Variants in SLC16A2 observed in about 807,000 individuals in gnomAD.
SLC16A2 encodes the protein monocarboxylate transporter 8.
In SLC16A2, 3 loss-of-function variants were observed where a neutral mutation model predicts 27.2. That is an observed-to-expected ratio of 0.11 (90% CI 0.05 to 0.28). The LOEUF is 0.28. SLC16A2 is among the 10% of genes least tolerant of loss of function. The pLI is 1.00. For missense variants in SLC16A2, 295 were observed against 458.5 expected (o/e 0.64, Z 3.26); for synonymous variants, 202 against 187.8 (o/e 1.08, Z -0.62).
chrX:74,466,372 G>T (rs144259715), intron 1 of SLC16A2, among the ~76,000 whole-genome samples: 1,144 of 110,914 alleles, frequency 0.01, 8 homozygotes, highest in Non-Finnish European at 0.016. Context: ...AGTATATGTG[G>T]GAGATTAGTT....
intron 1 of SLC16A2, among the ~76,000 whole-genome samples, chrX:74,476,010 C>T (rs746370459): frequency 1.8e-5 from 2 of 111,286 alleles, no homozygotes; most frequent in Admixed American, 9.6e-5. Flanking sequence ...TTTTCCAATT[C>T]TGTGAAGAAA....
rs1569294838 is a variant in SLC16A2, at chrX:74,494,306, T to TGGAAGGGC, written c.431-26682_431-26675dup. Among the ~76,000 whole-genome samples the TGGAAGGGC allele has an allele frequency of 2.7e-5, 3 of 111,871 alleles. No individual in the cohort carries two copies. In the South Asian group the frequency reaches 1.1e-3, roughly 42 times the overall value. On this transcript the variant is annotated intron_variant, in intron 1 of 5. Coordinates refer to ENST00000587091, the MANE Select transcript of SLC16A2 (RefSeq NM_006517.5). ...GGAAAATTTCAAGCCTATACACAAGTGGAAGGGCGTAGTGACCCCTCCTGT... is the reference window on the plus strand; with the variant it reads ...GGAAAATTTCAAGCCTATACACAAGTGGAAGGGCGGAAGGGCGTAGTGACCCCTCCTGT...
chrX:74,463,079 T>C (rs1239414175), intron 1 of SLC16A2, among the ~76,000 whole-genome samples: 1 of 111,069 alleles, frequency 9.0e-6, no homozygotes, highest in African/African-American at 3.3e-5. Context: ...TATACACAAC[T>C]CTAGAGATTC....
At chrX:74,430,503 A>G (rs746147774) in intron 1 of SLC16A2, among the ~76,000 whole-genome samples, 11 of 111,921 alleles carry the variant, frequency 9.8e-5, no homozygotes, top group Non-Finnish European at 1.9e-4. Context: ...CTAACTACCC[A>G]TTTTACTCTA....
At chrX:74,466,428 A>G (rs984126210) in intron 1 of SLC16A2, among the ~76,000 whole-genome samples, 1 of 111,563 alleles carries the variant, frequency 9.0e-6, no homozygotes, top group African/African-American at 3.3e-5. Flanking sequence ...CTCATGTCTC[A>G]TGTCCTTTAC....
intron 1 of SLC16A2, among the ~76,000 whole-genome samples, chrX:74,463,220 A>C (rs1929187177): frequency 9.0e-6 from 1 of 111,696 alleles, no homozygotes; most frequent in Admixed American, 9.5e-5. Flanking sequence ...TCCTGCTTTT[A>C]TATTATTTAT....
intron 1 of SLC16A2, among the ~76,000 whole-genome samples, chrX:74,449,062 AG>A (rs1928890591): frequency 9.0e-6 from 1 of 111,588 alleles, no homozygotes; most frequent in South Asian, 3.8e-4. Context: ...TAGAATAAAA[AG>A]ATGGCTGTGG....
At chrX:74,428,676 A>T (rs1386439831) in intron 1 of SLC16A2, among the ~76,000 whole-genome samples, 1 of 110,095 alleles carries the variant, frequency 9.1e-6, no homozygotes, top group African/African-American at 3.3e-5. Context: ...GTGAAGGGTG[A>T]CTTTCGATGG....
At chrX:74,498,702 A>G (rs758584961) in intron 1 of SLC16A2, among the ~76,000 whole-genome samples, 1 of 112,087 alleles carries the variant, frequency 8.9e-6, no homozygotes, top group South Asian at 3.8e-4. Flanking sequence ...TTTCAAGGAA[A>G]TACTAAGGAA....
At chrX:74,466,238 A>G (rs942338574) in intron 1 of SLC16A2, among the ~76,000 whole-genome samples, 11 of 111,297 alleles carry the variant, frequency 9.9e-5, no homozygotes, top group African/African-American at 3.6e-4. Context: ...GCTTCTAAAA[A>G]GCTATGAAAG....
chrX:74,477,460 GT>G (rs1929506986), intron 1 of SLC16A2, among the ~76,000 whole-genome samples: 1 of 110,758 alleles, frequency 9.0e-6, no homozygotes. Flanking sequence ...TTTTTAAGGG[GT>G]TTTTGTGTCT....
At position 74,421,630 on chromosome X, in the gene SLC16A2, C is replaced by G. The variant is rs778605636; in HGVS notation, c.-8C>G. On this transcript the variant is annotated 5_prime_UTR_variant, in exon 1 of 6. Coordinates refer to ENST00000587091, the MANE Select transcript of SLC16A2 (RefSeq NM_006517.5). The stretch of plus-strand genomic sequence containing the variant: ...TCTGGCCCAAGCAGCCACAGTCCCC[C>G]CGCCGCGATGGCGCTGCAAAGCCAG... The G allele has an allele frequency of 8.3e-7, 1 of 1,204,469 alleles. No homozygotes were observed. Among genetic ancestry groups the G allele is most frequent in the South Asian group, 1.8e-5 (1 of 56,236 alleles).
intron 1 of SLC16A2, among the ~76,000 whole-genome samples, chrX:74,489,012 AT>A (rs1482824822): frequency 8.9e-6 from 1 of 112,068 alleles, no homozygotes; most frequent in Non-Finnish European, 1.9e-5. Flanking sequence ...ATCCTAAATT[AT>A]ATGACAAGTT....
At position 74,505,226 on chromosome X, in the gene SLC16A2, G is replaced by A. The variant is rs774856880; in HGVS notation, c.431-15764G>A. On this transcript the variant is annotated intron_variant, in intron 1 of 5. Coordinates refer to ENST00000587091, the MANE Select transcript of SLC16A2 (RefSeq NM_006517.5). ...AGAGGTCCCAGCCTTATTTCAGAGA[G>A]GCTAAGGTGAGGCTTAAGGAAATTT... Among the ~76,000 whole-genome samples the A allele has an allele frequency of 6.3e-5, 7 of 111,717 alleles. No homozygotes were observed. The South Asian group carries it at 2.6e-3, about 42-fold the overall frequency.
chrX:74,511,164 G>A (rs972948200), intron 1 of SLC16A2, among the ~76,000 whole-genome samples: 1 of 111,228 alleles, frequency 9.0e-6, no homozygotes, highest in Non-Finnish European at 1.9e-5. Flanking sequence ...AATGAGATTC[G>A]TGGTTTTTTT....
At chrX:74,487,083 CTTTA>C (rs201037068) in intron 1 of SLC16A2, among the ~76,000 whole-genome samples, 4,792 of 110,843 alleles carry the variant, frequency 0.043, 101 homozygotes, top group African/African-American at 0.079. Flanking sequence ...GTCGCAGGAA[CTTTA>C]TTTATTTATT....
intron 1 of SLC16A2, among the ~76,000 whole-genome samples, chrX:74,427,847 A>C (rs1928441939): frequency 9.2e-6 from 1 of 108,384 alleles, no homozygotes; most frequent in African/African-American, 3.4e-5. Flanking sequence ...ACACACCCAT[A>C]CCCTACACCC....
chrX:74,490,365 T>TAA (rs376272755), intron 1 of SLC16A2, among the ~76,000 whole-genome samples: 22 of 99,153 alleles, frequency 2.2e-4, no homozygotes, highest in African/African-American at 7.0e-4. Flanking sequence ...TTCCCACACT[T>TAA]AAAAAAAAAA....
At chrX:74,483,481 T>C (rs1968303711) in intron 1 of SLC16A2, among the ~76,000 whole-genome samples, 1 of 111,429 alleles carries the variant, frequency 9.0e-6, no homozygotes, top group African/African-American at 3.3e-5. Context: ...TCATAGTGCT[T>C]CTGGTGCCCT....
Sources: gnomAD v4.1 joint callset for allele counts (sites outside exome capture counted in the v4.1 genomes callset) on GRCh38, gnomAD v4.1.1 for gene constraint, MANE v1.5 for transcripts, NCBI Gene and HGNC (gene_info 2026-07-23, HGNC 2026-07-21) for gene names.